The following CNNM4 variants were observed in gnomAD, a reference collection of about 807,000 sequenced individuals.
CNNM4 encodes the protein cyclin and CBS domain divalent metal cation transport mediator 4.
In CNNM4, 32 loss-of-function variants were observed where a neutral mutation model predicts 53.7. That is an observed-to-expected ratio of 0.60 (90% CI 0.45 to 0.80). The LOEUF (loss-of-function observed/expected upper bound fraction) is 0.80, where lower values mean the gene tolerates loss of function less well. Among genes scored for constraint, CNNM4 ranks in the 30% least tolerant of loss-of-function variants. CNNM4 has a pLI of 0.00. For missense variants in CNNM4, 784 were observed against 1,022.0 expected (o/e 0.77, Z 3.17); for synonymous variants, 410 against 440.0 (o/e 0.93, Z 0.85).
chr2:96,771,202 G>A (rs1443189132), intron 1 of CNNM4, among the ~76,000 whole-genome samples: 3 of 151,964 alleles, frequency 2.0e-5, no homozygotes, highest in African/African-American at 4.8e-5. Flanking sequence ...CGTGGAGAGG[G>A]TCAGAAGCTC....
chr2:96,809,169 C>G, intron 6 of CNNM4, 151 bp from the exon 7 acceptor site: 1 of 1,503,526 alleles, frequency 6.7e-7, no homozygotes, highest in South Asian at 1.2e-5. Flanking sequence ...CTTGTTCGTG[C>G]ACCTTGTTCT....
At chr2:96,769,550 T>G (rs1574054461) in intron 1 of CNNM4, among the ~76,000 whole-genome samples, 12 of 132,182 alleles carry the variant, frequency 9.1e-5, no homozygotes, top group South Asian at 4.7e-4. Flanking sequence ...GGTGACAGAG[T>G]GAGACTCTGT....
intron 5 of CNNM4, among the ~76,000 whole-genome samples, chr2:96,807,424 A>T (rs945820380): frequency 6.6e-6 from 1 of 152,082 alleles, no homozygotes; most frequent in African/African-American, 2.4e-5. Context: ...TAAGATCGAG[A>T]CCATCCTGGC....
intron 1 of CNNM4, among the ~76,000 whole-genome samples, chr2:96,777,645 C>T (rs1490285130): frequency 3.3e-5 from 5 of 152,088 alleles, no homozygotes; most frequent in East Asian, 1.9e-4. Context: ...GGATTACAAG[C>T]GTGTGCCACC....
Position 96,761,128 on chromosome 2 carries a change from G to C in CNNM4, c.129G>C (p.Gln43His). 2 of 1,595,230 alleles carry C rather than the reference G, an allele frequency of 1.3e-6. No individual in the cohort carries two copies. Among genetic ancestry groups the C allele is most frequent in the Non-Finnish European group, 1.7e-6 (2 of 1,167,748 alleles). ...CCCGGGGCCAGGGCAGCCCCCAGCA[G>C]GGCACGATCGTGGGCATGAGGCTGG... is the stretch of plus-strand genomic sequence containing the variant. ...LGARGQGSPQ[Q>H]GTIVGMRLAS... is the part of the protein sequence containing the mutation. The change falls in exon 1 of 7, where the codon CAG (glutamine) becomes CAC (histidine). Residue 43 changes from glutamine to histidine, a missense_variant. This residue lies in a region of CNNM4 where 473 missense variants were observed against 624.6 expected (regional missense o/e 0.76). Coordinates refer to ENST00000377075, the MANE Select transcript of CNNM4 (RefSeq NM_020184.4). This position sits in a 1 kb window ranked among gnomAD's most constrained non-coding sequence, Gnocchi z 6.0.
chr2:96,768,218 C>T (rs1389590638), intron 1 of CNNM4, among the ~76,000 whole-genome samples: 1 of 152,116 alleles, frequency 6.6e-6, no homozygotes, highest in African/African-American at 2.4e-5. Context: ...CTTTTGGTTC[C>T]TCTTATCTGA....
At chr2:96,790,009 T>C (rs1354753385) in intron 1 of CNNM4, among the ~76,000 whole-genome samples, 184 of 124,810 alleles carry the variant, frequency 1.5e-3, no homozygotes, top group African/African-American at 5.6e-3. Flanking sequence ...TAGAATTTTT[T>C]TTTTTTTTTT....
chr2:96,769,124 G>A (rs1427700267), intron 1 of CNNM4, among the ~76,000 whole-genome samples: 6 of 152,256 alleles, frequency 3.9e-5, no homozygotes, highest in South Asian at 2.1e-4. Flanking sequence ...GGTGGTGGGC[G>A]CCTGTAGTCC....
chr2:96,774,407 C>A (rs1402560988), intron 1 of CNNM4, among the ~76,000 whole-genome samples: 2 of 152,044 alleles, frequency 1.3e-5, no homozygotes, highest in Non-Finnish European at 2.9e-5. Context: ...GAGCGAGACC[C>A]TGTGTTTAAA....
chr2:96,790,242 G>A (rs1430038297), intron 1 of CNNM4, among the ~76,000 whole-genome samples: 3 of 151,526 alleles, frequency 2.0e-5, no homozygotes, highest in Admixed American at 6.6e-5. Flanking sequence ...TCCTGACCTC[G>A]TGATCCACGC....
intron 1 of CNNM4, among the ~76,000 whole-genome samples, chr2:96,796,081 C>G (rs937676954): frequency 6.8e-6 from 1 of 147,466 alleles, no homozygotes; most frequent in African/African-American, 2.5e-5. Flanking sequence ...TTGGGTCTTT[C>G]CCCTCCCCAA....
chr2:96,805,427 T>TTG (rs1553479518), intron 5 of CNNM4, among the ~76,000 whole-genome samples: 1 of 140,076 alleles, frequency 7.1e-6, no homozygotes, highest in East Asian at 1.9e-4. Context: ...AGTTTTTTTT[T>TTG]TTTTTTTTTT....
chr2:96,779,448 G>A (rs1479047564), intron 1 of CNNM4, among the ~76,000 whole-genome samples: 1 of 148,774 alleles, frequency 6.7e-6, no homozygotes, highest in African/African-American at 2.5e-5. Context: ...GGCAGAAGTT[G>A]CAGTGAGCTA....
intron 1 of CNNM4, among the ~76,000 whole-genome samples, chr2:96,783,716 G>A (rs1211264413): frequency 1.3e-5 from 2 of 152,142 alleles, no homozygotes; most frequent in East Asian, 1.9e-4. Flanking sequence ...TGGAGATACA[G>A]TTACATATAT....
Position 96,808,425 on chromosome 2 carries a change from C to A in CNNM4, c.1949-136C>A. 1.2e-6 allele frequency: 1 copy of A among 816,782 alleles called. No homozygotes were observed. The highest frequency in any genetic ancestry group is 2.1e-6 in the Non-Finnish European group (1 of 484,686). The allele number at this position is 816,782 out of a possible 1,614,324, so 50.6% of individuals were successfully genotyped here. A position where few individuals can be genotyped will look rare whatever the true frequency, so the allele number is the denominator to read the frequency against. Reference sequence around the variant, plus strand: ...CTTATGCAGTCAGACCTTCTACATGCTTCTGTTTGTCCCTAAGAATGACTT... The same window carrying A: ...CTTATGCAGTCAGACCTTCTACATGATTCTGTTTGTCCCTAAGAATGACTT... On this transcript the variant is annotated intron_variant, in intron 5 of 6. Coordinates refer to ENST00000377075, the MANE Select transcript of CNNM4 (RefSeq NM_020184.4). The surrounding 1 kb of genome is among the most constrained non-coding windows in gnomAD (Gnocchi z 4.9).
At position 96,809,562 on chromosome 2, in the gene CNNM4, A is replaced by G; in HGVS notation, c.*45A>G. The G allele has an allele frequency of 6.5e-7, 1 of 1,547,900 alleles. No individual in the cohort carries two copies. ...CTGCCCACCCTGCGGGGGCCTCCCC[A>G]GTGGGCCCACATGAAGAGAGGGAAC... On this transcript the variant is annotated 3_prime_UTR_variant, in exon 7 of 7. Transcript: ENST00000377075.
At position 96,801,166 on chromosome 2, in the gene CNNM4, A is replaced by G; in HGVS notation, c.1948+1518A>G. ...TGGCACAGCTGAGGGTCACGCTGCC[A>G]CCTGCTGCCTGTGCCTGCACACTGC... On this transcript the variant is annotated intron_variant, in intron 5 of 6. Transcript: ENST00000377075. This position sits in a 1 kb window ranked among gnomAD's most constrained non-coding sequence, Gnocchi z 5.6. The G allele has an allele frequency of 1.0e-6, 1 of 975,984 alleles. No homozygotes were observed. The allele number at this position is 975,984 out of a possible 1,614,324, so 60.5% of individuals were successfully genotyped here.
rs763641128 is a variant in CNNM4, at chr2:96,799,148, C to T, written c.1773C>T (p.Asp591=). The stretch of plus-strand genomic sequence containing the variant: ...ATGTCATTCAGGAACTCAAGTTTGA[C>T]GAGCACAATAAGTACTACGCCCGCC... ...YPDVIQELKF[D]EHNKYYARHY... The change falls in exon 4 of 7, where the codon GAC becomes GAT. Residue 591 remains aspartate, a synonymous_variant. Transcript: ENST00000377075. 15 of 1,614,042 alleles carry T rather than the reference C, an allele frequency of 9.3e-6. No homozygotes were observed. Among genetic ancestry groups the T allele is most frequent in the South Asian group, 5.5e-5 (5 of 91,084 alleles).
chr2:96,791,881 A>AT (rs914581766), intron 1 of CNNM4, among the ~76,000 whole-genome samples: 21 of 151,944 alleles, frequency 1.4e-4, no homozygotes, highest in African/African-American at 5.1e-4. Flanking sequence ...AATAGTATTA[A>AT]TTTCTTTTTT....
Sources: allele counts gnomAD v4.1 joint callset (sites outside exome capture counted in the v4.1 genomes callset), GRCh38; gene constraint gnomAD v4.1.1; regional missense constraint gnomAD v4.1.1; non-coding constraint Gnocchi (gnomAD v3.1); transcripts MANE v1.5; gene names NCBI Gene and HGNC (gene_info 2026-07-23, HGNC 2026-07-21).